ALDH3B1: variants seen among roughly 807,000 people sequenced by gnomAD.
The protein encoded by ALDH3B1 is aldehyde dehydrogenase 3 family member B1, also known as aldehyde dehydrogenase family 3 member B1.
ALDH3B1 carries 37 observed loss-of-function variants against 46.2 expected under a neutral mutation model. The observed-to-expected ratio is 0.80, with a 90% confidence interval of 0.62 to 1.05. The LOEUF is 1.05. ALDH3B1 is among the 50% of genes least tolerant of loss of function. The pLI is 0.00. For synonymous variants in ALDH3B1, 283 were observed against 281.0 expected (o/e 1.01, Z -0.07); for missense variants, 603 against 665.5 (o/e 0.91, Z 1.03).
intron 8 of ALDH3B1, among the ~76,000 whole-genome samples, chr11:68,023,601 G>A (rs538163468): frequency 2.0e-5 from 3 of 150,680 alleles, no homozygotes; most frequent in Non-Finnish European, 3.0e-5. Flanking sequence ...CACCGTGCCC[G>A]GCCACTTGAA....
chr11:68,026,014 C>T lies in ALDH3B1; in HGVS notation c.1122C>T (p.Val374=), dbSNP rs1255219754. The part of the protein sequence containing the change: ...LYAFSNSSQV[V]KRVLTQTSSG... ...CACATCCTGTTCTCTCCCAGGTGGT[C>T]AAGCGGGTGCTGACCCAGACCAGCA... Residue 374 remains valine (V), a synonymous_variant, in exon 9 of 10, where the codon GTC becomes GTT. Coordinates refer to ENST00000342456, the MANE Select transcript of ALDH3B1 (RefSeq NM_000694.4). 6.3e-7 allele frequency: 1 copy of T among 1,598,158 alleles called. No individual in the cohort carries two copies. Among genetic ancestry groups the T allele is most frequent in the African/African-American group, 1.3e-5 (1 of 74,600 alleles).
At chr11:68,010,865 T>C (rs781414474) in intron 1 of ALDH3B1, among the ~76,000 whole-genome samples, 3 of 152,192 alleles carry the variant, frequency 2.0e-5, no homozygotes, top group African/African-American at 4.8e-5. Flanking sequence ...GAATCATTCT[T>C]AGCAATGGAC....
upstream of ALDH3B1, chr11:68,010,297 C>T (rs1857202131): frequency 6.6e-6 from 1 of 152,316 alleles, no homozygotes. Flanking sequence ...CCCACCCCTC[C>T]CCCGGGGACT....
At position 68,015,405 on chromosome 11, in the gene ALDH3B1, C is replaced by G; in HGVS notation, c.108C>G (p.Phe36Leu). ...RAAQLQGLGR[F>L]LQENKQLLHD... ...CGCAGCTCCAAGGCCTGGGCCGCTTCCTGCAAGAAAACAAGCAGCTTCTGC... is the reference window on the plus strand; with the variant it reads ...CGCAGCTCCAAGGCCTGGGCCGCTTGCTGCAAGAAAACAAGCAGCTTCTGC... Residue 36 changes from phenylalanine to leucine, a missense_variant, in exon 2 of 10, where the codon TTC becomes TTG. Physicochemically the swap from Phe to Leu is conservative, Grantham distance 22 (BLOSUM62 0). Coordinates refer to ENST00000342456, the MANE Select transcript of ALDH3B1 (RefSeq NM_000694.4). 6.4e-7 allele frequency: 1 copy of G among 1,555,974 alleles called. No homozygotes were observed.
At chr11:68,019,001 A>G in intron 4 of ALDH3B1, 108 bp downstream of exon 4, 1 of 1,479,040 alleles carries the variant, frequency 6.8e-7, no homozygotes, top group Non-Finnish European at 9.0e-7. Flanking sequence ...GGCAAAGAGG[A>G]CTGTCTGGTC....
Position 68,020,931 on chromosome 11 carries a change from AGAG to A in ALDH3B1, c.563-550_563-548del, listed in dbSNP as rs149146635. Among the ~76,000 whole-genome samples, 643 of 152,296 alleles carry A rather than the reference AGAG, an allele frequency of 4.2e-3. 6 individuals are homozygous for A. The highest frequency in any genetic ancestry group is 0.014 in the African/African-American group (587 of 41,566). On this transcript the variant is annotated intron_variant, in intron 6 of 9. Transcript: ENST00000342456. ...CTGCTGGGCCCCTGGAGGCCAGCAC[AGAG>A]GAGAGGTGAGGCCAAGCCAGGCAGG...
intron 1 of ALDH3B1, among the ~76,000 whole-genome samples, chr11:68,014,520 C>A (rs1326645248): frequency 6.6e-6 from 1 of 152,192 alleles, no homozygotes; most frequent in Non-Finnish European, 1.5e-5. Flanking sequence ...CCCTACCCTG[C>A]CTGCCAGCTC....
intron 8 of ALDH3B1, chr11:68,024,259 T>C (rs1156606585): frequency 6.6e-6 from 1 of 152,164 alleles, no homozygotes; most frequent in Admixed American, 6.5e-5. Flanking sequence ...CTGGGGCACC[T>C]GAGATGCACA....
intron 2 of ALDH3B1, chr11:68,017,234 G>T (rs1356286001): frequency 6.6e-6 from 1 of 152,260 alleles, no homozygotes; most frequent in Non-Finnish European, 1.5e-5. Context: ...AGGCTCATGG[G>T]GCCAGAGCAC....
At chr11:68,012,504 G>T (rs1857254804) in intron 1 of ALDH3B1, among the ~76,000 whole-genome samples, 1 of 152,346 alleles carries the variant, frequency 6.6e-6, no homozygotes, top group East Asian at 1.9e-4. Context: ...TGTGATGGGG[G>T]GCCACGCCCC....
intron 9 of ALDH3B1, among the ~76,000 whole-genome samples, chr11:68,026,534 TACA>T (rs1285695327): frequency 6.7e-6 from 1 of 150,236 alleles, no homozygotes; most frequent in African/African-American, 2.4e-5. Flanking sequence ...CAGCTCTCAG[TACA>T]ACACCTCCCC....
At chr11:68,027,629 G>A (rs1174716457) in intron 9 of ALDH3B1, 120 bp from the exon 10 acceptor site, 3 of 1,066,470 alleles carry the variant, frequency 2.8e-6, no homozygotes, top group East Asian at 5.2e-5. Flanking sequence ...CTCATGATCA[G>A]CCCACTGGAC....
upstream of ALDH3B1, among the ~76,000 whole-genome samples, chr11:68,009,173 C>G (rs541509797): frequency 1.3e-5 from 2 of 152,332 alleles, no homozygotes; most frequent in Non-Finnish European, 2.9e-5. Context: ...CATCCCACCC[C>G]CTCTCTGCCC....
chr11:68,024,124 G>A (rs1235437960), intron 8 of ALDH3B1: 1 of 152,216 alleles, frequency 6.6e-6, no homozygotes, highest in Non-Finnish European at 1.5e-5. Context: ...CTTAAGGAGT[G>A]CTGGACAGGT....
Position 68,027,876 on chromosome 11 carries a change from G to A in ALDH3B1, c.1344G>A (p.Pro448=), listed in dbSNP as rs374814356. Residue 448 remains proline (P), a synonymous_variant, in exon 10 of 10, where the codon CCG becomes CCA. Coordinates refer to ENST00000342456, the MANE Select transcript of ALDH3B1 (RefSeq NM_000694.4). The part of the protein sequence containing the change: ...LNALRYPPQS[P]RRLRMLLVAM... ...CCCTCCGCTACCCGCCGCAATCGCC[G>A]CGCCGCCTGAGGATGCTGCTGGTGG... 300 of 1,563,540 alleles carry A rather than the reference G, an allele frequency of 1.9e-4. No homozygotes were observed. The South Asian group carries it at 2.1e-3, about 11-fold the overall frequency.
chr11:68,027,737 G>A lies in ALDH3B1; in HGVS notation c.1217-12G>A. 2 of 1,553,302 alleles carry A rather than the reference G, an allele frequency of 1.3e-6. No individual in the cohort carries two copies. Among genetic ancestry groups the A allele is most frequent in the Non-Finnish European group, 1.7e-6 (2 of 1,147,312 alleles). On this transcript the variant is annotated splice_polypyrimidine_tract_variant and intron_variant, in intron 9 of 9. Transcript: ENST00000342456. The stretch of plus-strand genomic sequence containing the variant: ...CAGCGCCTGACCACCTGTGTTCTGT[G>A]CCACTGTACAGGTGCCAGTGGGATG...
chr11:68,022,540 C>CG lies in ALDH3B1; in HGVS notation c.950-55_950-54insG, dbSNP rs1857524823. On this transcript the variant is annotated intron_variant, in intron 7 of 9. Coordinates refer to ENST00000342456, the MANE Select transcript of ALDH3B1 (RefSeq NM_000694.4). ...GCCCTGTCCCCACCTCTACCCCCAC[C>CG]CTGGGGGCGGTCCTGACTGTGGCCC... 26 of 1,598,312 alleles carry CG rather than the reference C, an allele frequency of 1.6e-5. No homozygotes were observed. The South Asian group carries it at 2.8e-4, about 17-fold the overall frequency.
intron 7 of ALDH3B1, among the ~76,000 whole-genome samples, chr11:68,022,171 C>T (rs1380520776): frequency 1.3e-5 from 2 of 152,218 alleles, no homozygotes; most frequent in African/African-American, 4.8e-5. Flanking sequence ...AGGCTGTAAC[C>T]TCAGATTCTC....
At position 68,021,482 on chromosome 11, in the gene ALDH3B1, C is replaced by T. The variant is rs1322138296; in HGVS notation, c.563-3C>T. On this transcript the variant is annotated splice_polypyrimidine_tract_variant and splice_region_variant and intron_variant, in intron 6 of 9. Transcript: ENST00000342456. ...GGCCACTCTGGTTTCCTTCCATGCC[C>T]AGGGAGCCCTCGTGTGGGCAAGATT... The T allele has an allele frequency of 1.2e-6, 2 of 1,607,096 alleles. No homozygotes were observed. The highest frequency in any genetic ancestry group is 1.7e-5 in the Admixed American group (1 of 59,622).
Sources: gnomAD v4.1 joint callset for allele counts (sites outside exome capture counted in the v4.1 genomes callset) on GRCh38, gnomAD v4.1.1 for gene constraint, MANE v1.5 for transcripts, NCBI Gene and HGNC (gene_info 2026-07-23, HGNC 2026-07-21) for gene names.